IVD: variants seen among roughly 807,000 people sequenced by gnomAD.
The protein encoded by IVD is isovaleryl-CoA dehydrogenase, mitochondrial.
In IVD, 31 loss-of-function variants were observed where a neutral mutation model predicts 51.3. The observed-to-expected ratio is 0.60, with a 90% CI of 0.45 to 0.81. The LOEUF (loss-of-function observed/expected upper bound fraction) is 0.81, where lower values mean the gene tolerates loss of function less well. Ranked by LOEUF, IVD falls within the 40% of genes least tolerant of loss-of-function variation. The pLI is 0.00. For missense variants in IVD, 475 were observed against 552.0 expected (o/e 0.86, Z 1.40); for synonymous variants, 205 against 219.4 (o/e 0.93, Z 0.58).
intron 3 of IVD, 138 bp from the exon 4 acceptor site, chr15:40,410,490 T>C (rs1454467778): frequency 9.9e-7 from 1 of 1,011,182 alleles, no homozygotes; most frequent in African/African-American, 1.6e-5. Context: ...TGGCATCAGC[T>C]TATTCTTGTT....
chr15:40,419,342 C>T lies in IVD; in HGVS notation c.*1079C>T, dbSNP rs924776758. 2.0e-5 allele frequency: 14 copies of T among 705,726 alleles called. No individual in the cohort carries two copies. Among genetic ancestry groups the T allele is most frequent in the Non-Finnish European group, 2.7e-5 (13 of 476,930 alleles). 43.7% of individuals were successfully genotyped at this position (705,726 alleles called of 1,614,324 possible). A position where few individuals can be genotyped will look rare whatever the true frequency, so the allele number is the denominator to read the frequency against. The stretch of plus-strand genomic sequence containing the variant: ...CCTGTCCAACGTGGTGAAACCCCAT[C>T]TCTACTAAAAATACAAAAATTAGCC... On this transcript the variant is annotated 3_prime_UTR_variant, in exon 12 of 12. Coordinates refer to ENST00000487418, the MANE Select transcript of IVD (RefSeq NM_002225.5).
downstream of IVD, among the ~76,000 whole-genome samples, chr15:40,426,336 G>A (rs1446581546): frequency 2.0e-5 from 3 of 151,912 alleles, no homozygotes; most frequent in East Asian, 1.9e-4. Context: ...TCAGGAGTTT[G>A]AAACAAGCCT....
chr15:40,433,200 A>C lies in IVD; in HGVS notation c.720-654A>C, dbSNP rs148742754. Among the ~76,000 whole-genome samples the C allele has an allele frequency of 1.2e-3, 186 of 152,306 alleles. 1 individual carries two copies. The highest frequency in any genetic ancestry group is 4.3e-3 in the African/African-American group (178 of 41,568). ...TATGTTAAATGCCGTATGAAAAAAA[A>C]AGCAAAGGTTTTGGAGCCACTCCAA... On this transcript the variant is annotated intron_variant, in intron 7 of 8. Coordinates refer to the IVD transcript ENST00000473112.
chr15:40,408,619 C>G (rs1415685045), intron 3 of IVD, among the ~76,000 whole-genome samples: 1 of 152,048 alleles, frequency 6.6e-6, no homozygotes, highest in African/African-American at 2.4e-5. Context: ...ATATTAACGT[C>G]TGAAAGAGGC....
At chr15:40,414,746 C>A in intron 7 of IVD, 143 bp from the exon 8 acceptor site, 1 of 1,416,696 alleles carries the variant, frequency 7.1e-7, no homozygotes, top group Non-Finnish European at 9.6e-7. Context: ...CCTTTTCTTT[C>A]ACCTGGAACC....
downstream of IVD, chr15:40,421,460 T>C (rs1433903402): frequency 1.1e-6 from 1 of 946,332 alleles, no homozygotes; most frequent in Middle Eastern, 5.5e-4. Flanking sequence ...CCACTCCAAT[T>C]TTAGGCAGGT....
At chr15:40,422,037 C>T (rs1477503601), downstream of IVD, among the ~76,000 whole-genome samples, 1 of 152,224 alleles carries the variant, frequency 6.6e-6, no homozygotes, top group African/African-American at 2.4e-5. Flanking sequence ...CGAGGCAGCG[C>T]GCTTCTTCGA....
rs1892214818 is a variant in IVD, at chr15:40,420,631, G to A, written c.*2368G>A. ...CTCCCTTTCCCAGATCTCCCAGTGAGTTTTAAAGGAAGCAGGGAGCCCAGA... is the reference window on the plus strand; with the variant it reads ...CTCCCTTTCCCAGATCTCCCAGTGAATTTTAAAGGAAGCAGGGAGCCCAGA... On this transcript the variant is annotated 3_prime_UTR_variant, in exon 12 of 12. Transcript: ENST00000487418. The A allele has an allele frequency of 1.0e-6, 1 of 987,452 alleles. No homozygotes were observed. Among genetic ancestry groups the A allele is most frequent in the Non-Finnish European group, 1.2e-6 (1 of 830,126 alleles). The allele number at this position is 987,452 out of a possible 1,614,324, so 61.2% of individuals were successfully genotyped here.
Position 40,406,027 on chromosome 15 carries a change from A to G in IVD, c.144+56A>G, listed in dbSNP as rs111440850. The G allele has an allele frequency of 3.6e-3, 4,751 of 1,337,642 alleles. 122 individuals carry two copies. The African/African-American group carries it at 0.056, about 16-fold the overall frequency. The allele number at this position is 1,337,642 out of a possible 1,614,324, so 82.9% of individuals were successfully genotyped here. On this transcript the variant is annotated intron_variant, in intron 1 of 11. Transcript: ENST00000487418. Reference sequence around the variant, plus strand: ...AGGCCTCCTTCCTGCCTGGTCCCCAAGGCCTCCTTCCTGCCTGGTCCCCAT... The same window carrying G: ...AGGCCTCCTTCCTGCCTGGTCCCCAGGGCCTCCTTCCTGCCTGGTCCCCAT...
intron 8 of IVD, 175 bp from the exon 9 acceptor site, chr15:40,415,226 C>A: frequency 1.4e-6 from 1 of 738,236 alleles, no homozygotes; most frequent in Non-Finnish European, 2.3e-6. Flanking sequence ...TGTGAAACGA[C>A]ACCTGGGCTG....
chr15:40,431,375 C>T (rs1436791797), intron 7 of IVD, among the ~76,000 whole-genome samples: 1 of 152,012 alleles, frequency 6.6e-6, no homozygotes, highest in Non-Finnish European at 1.5e-5. Flanking sequence ...ATAACACTAT[C>T]TATTTCATAA....
chr15:40,435,442 A>C (rs1893215186), exon 9 of IVD: 4 of 1,236,536 alleles, frequency 3.2e-6, no homozygotes, highest in South Asian at 2.7e-5. Flanking sequence ...CCCAACACCC[A>C]CCTGGGAGGG....
At chr15:40,429,838 C>G (rs928410483) in intron 7 of IVD, among the ~76,000 whole-genome samples, 2 of 152,222 alleles carry the variant, frequency 1.3e-5, no homozygotes, top group African/African-American at 4.8e-5. Context: ...TCAGGGAAGC[C>G]ATCTGGACTG....
downstream of IVD, among the ~76,000 whole-genome samples, chr15:40,425,396 T>TGTTTAGGTTGC (rs1170346155): frequency 6.6e-6 from 1 of 151,104 alleles, no homozygotes; most frequent in Non-Finnish European, 1.5e-5. Flanking sequence ...TGAACAATAT[T>TGTTTAGGTTGC]GTTTAGGTTG....
Position 40,414,771 on chromosome 15 carries a change from G to A in IVD, c.785-118G>A. Reference sequence around the variant, plus strand: ...CACCTGGAACCTTAGTTGAATAAAGGTCAAGTGACATATTTTAGTGCCTTA... The same window carrying A: ...CACCTGGAACCTTAGTTGAATAAAGATCAAGTGACATATTTTAGTGCCTTA... On this transcript the variant is annotated intron_variant, in intron 7 of 11. Transcript: ENST00000487418. 19 of 1,497,676 alleles carry A rather than the reference G, an allele frequency of 1.3e-5. No individual in the cohort carries two copies. The South Asian group carries it at 2.3e-4, about 18-fold the overall frequency. The allele number at this position is 1,497,676 out of a possible 1,614,324, so 92.8% of individuals were successfully genotyped here.
At chr15:40,407,822 G>A in intron 2 of IVD, 97 bp downstream of exon 2, 1 of 1,454,074 alleles carries the variant, frequency 6.9e-7, no homozygotes, top group South Asian at 1.1e-5. Context: ...GGTAAATGAA[G>A]CCTCTCTAAG....
chr15:40,411,872 A>G (rs1046617306), intron 6 of IVD, among the ~76,000 whole-genome samples, 181 bp downstream of exon 6: 1 of 152,252 alleles, frequency 6.6e-6, no homozygotes, highest in Admixed American at 6.5e-5. Flanking sequence ...AGTCCAGGGC[A>G]GATGGGTCAC....
In IVD at chr15:40,411,181, A is replaced by T. The variant is rs944946993; in HGVS notation, c.457-79A>T. 3 of 1,357,212 alleles carry T rather than the reference A, an allele frequency of 2.2e-6. No homozygotes were observed. In the African/African-American group the frequency reaches 4.3e-5, roughly 19 times the overall value. 84.1% of individuals were successfully genotyped at this position (1,357,212 alleles called of 1,614,324 possible). On this transcript the variant is annotated intron_variant, in intron 4 of 11. Transcript: ENST00000487418. Reference sequence around the variant, plus strand: ...CGAAGTTTGAAGGGGTTTAATGTGGACAGGAAGAGGCAGTACCAGTGAGCT... The same window carrying T: ...CGAAGTTTGAAGGGGTTTAATGTGGTCAGGAAGAGGCAGTACCAGTGAGCT...
intron 3 of IVD, among the ~76,000 whole-genome samples, chr15:40,410,117 T>C (rs1373345630): frequency 6.6e-6 from 1 of 152,212 alleles, no homozygotes; most frequent in Non-Finnish European, 1.5e-5. Context: ...ATTACAGGCG[T>C]GAGCCCCATG....
Sources: gnomAD v4.1 joint callset for allele counts (sites outside exome capture counted in the v4.1 genomes callset) on GRCh38, gnomAD v4.1.1 for gene constraint, MANE v1.5 for transcripts, NCBI Gene and HGNC (gene_info 2026-07-23, HGNC 2026-07-21) for gene names.